Variants in MICAL3 observed in about 807,000 individuals in gnomAD.
MICAL3 encodes microtubule associated monooxygenase, calponin and LIM domain containing 3, also known as [F-actin]-monooxygenase MICAL3.
A neutral mutation model predicts 207.4 loss-of-function variants in MICAL3; 62 were observed. The ratio of observed to expected loss-of-function variants is 0.30; its 90% CI spans 0.24 to 0.37. The LOEUF (loss-of-function observed/expected upper bound fraction) is 0.37, where lower values mean the gene tolerates loss of function less well. MICAL3 is among the 10% of genes least tolerant of loss of function. The pLI is 1.00. For synonymous variants in MICAL3, 1,077 were observed against 1,069.3 expected, an observed-to-expected ratio of 1.01 and a Z score of -0.14; for missense variants, 2,368 against 2,635.6, an observed-to-expected ratio of 0.90 and a Z score of 2.22.
intron 1 of MICAL3, among the ~76,000 whole-genome samples, chr22:18,023,065 C>A (rs1374671302): frequency 6.6e-6 from 1 of 152,136 alleles, no homozygotes; most frequent in East Asian, 1.9e-4. Flanking sequence ...CAGTTGCATA[C>A]CCTGCCCTCC....
intron 19 of MICAL3, chr22:17,862,004 G>A (rs575929570): frequency 6.1e-6 from 6 of 985,290 alleles, no homozygotes; most frequent in Admixed American, 6.1e-5. Context: ...AGAGAGAAAT[G>A]CCACAATATA....
chr22:17,834,203 GCTCT>G lies in MICAL3; in HGVS notation c.2802-2100_2802-2097del, dbSNP rs549716217. 2.4e-4 allele frequency: 251 copies of G among 1,042,022 alleles called. 1 individual carries two copies. The African/African-American group carries it at 3.5e-3, about 14-fold the overall frequency. 64.5% of individuals were successfully genotyped at this position (1,042,022 alleles called of 1,614,324 possible). ...GTGTGACTGTGAGTTGATTATTTGT[GCTCT>G]CTGAGTTTGCTCAATGACACATTCA... On this transcript the variant is annotated intron_variant, in intron 20 of 31. Coordinates refer to ENST00000441493, the MANE Select transcript of MICAL3 (RefSeq NM_015241.3).
At chr22:17,865,102 T>TTTATTTATTTATTTA (rs962794642) in intron 18 of MICAL3, 116 bp from the exon 19 acceptor site, 1 of 661,756 alleles carries the variant, frequency 1.5e-6, no homozygotes, top group African/African-American at 2.0e-5. Flanking sequence ...TATTTATTTA[T>TTTATTTATTTATTTA]TTATTTATTT....
intron 29 of MICAL3, among the ~76,000 whole-genome samples, chr22:17,795,463 CG>C (rs2145953872): frequency 6.6e-6 from 1 of 152,274 alleles, no homozygotes; most frequent in East Asian, 1.9e-4. Flanking sequence ...GGCGCCTGCA[CG>C]GGTAATAATT....
chr22:17,889,867 C>T (rs936088189), intron 12 of MICAL3, among the ~76,000 whole-genome samples: 12 of 152,052 alleles, frequency 7.9e-5, no homozygotes, highest in African/African-American at 2.9e-4. Context: ...TTGTGTATGG[C>T]CCATCCACAT....
intron 1 of MICAL3, among the ~76,000 whole-genome samples, chr22:17,954,473 T>C (rs1169515148): frequency 2.6e-5 from 4 of 152,080 alleles, no homozygotes; most frequent in Non-Finnish European, 2.9e-5. Context: ...ACCTGGGGCA[T>C]GGGGAGGGTA....
At chr22:17,920,322 C>G (rs1300605230) in intron 1 of MICAL3, among the ~76,000 whole-genome samples, 1 of 152,188 alleles carries the variant, frequency 6.6e-6, no homozygotes, top group Non-Finnish European at 1.5e-5. Flanking sequence ...ACTGGTTCCT[C>G]CAGCCTGACG....
In MICAL3 at chr22:17,817,851, C is replaced by T. The variant is rs759531651; in HGVS notation, c.4810G>A (p.Val1604Met). Residue 1604 changes from valine to methionine, a missense_variant, in exon 26 of 32, where the codon GTG (valine) becomes ATG (methionine). Physicochemically the swap from Val to Met is conservative, Grantham distance 21. Around this residue, in one of 4 missense-constraint regions of MICAL3, gnomAD observed 1,770 missense variants for 1,863.2 expected, o/e 0.95. Transcript: ENST00000441493. ...GCGTCCCGCAGCGCCTGGCTCTTCA[C>T]GGACTTCTCCCTGGCTCGCATGCGC... ...EERMRAREKS[V>M]KSQALRDAMA... The T allele has an allele frequency of 3.4e-5, 55 of 1,612,042 alleles. No individual in the cohort carries two copies. The highest frequency in any genetic ancestry group is 2.5e-4 in the East Asian group (11 of 44,860).
intron 19 of MICAL3, among the ~76,000 whole-genome samples, chr22:17,850,965 C>T (rs146281827): frequency 4.6e-4 from 70 of 152,272 alleles, no homozygotes; most frequent in African/African-American, 1.6e-3. Context: ...ATCAACTGGC[C>T]AGGCCATCCT....
intron 19 of MICAL3, chr22:17,861,058 T>C: frequency 1.0e-6 from 1 of 985,288 alleles, no homozygotes; most frequent in Admixed American, 6.1e-5. Context: ...TGGGGTAAGG[T>C]GGGAGGTAAG....
intron 16 of MICAL3, chr22:17,876,865 G>GGGAGGTTAGGGAGGTTAT (rs1928532277): frequency 4.0e-5 from 4 of 99,784 alleles, no homozygotes; most frequent in Non-Finnish European, 4.0e-5. Flanking sequence ...ATGGAGGTTA[G>GGGAGGTTAGGGAGGTTAT]GGAGGTTAGG....
At chr22:17,941,859 C>T (rs921974527) in intron 1 of MICAL3, among the ~76,000 whole-genome samples, 1 of 152,166 alleles carries the variant, frequency 6.6e-6, no homozygotes, top group African/African-American at 2.4e-5. Context: ...CCCTCCCACC[C>T]CCATTCTAAA....
Position 17,819,698 on chromosome 22 carries a change from G to A in MICAL3, c.3532-569C>T, listed in dbSNP as rs190440769. On this transcript the variant is annotated intron_variant, in intron 25 of 31. Coordinates refer to ENST00000441493, the MANE Select transcript of MICAL3 (RefSeq NM_015241.3). ...CTCACACCTGTAATCCCAGCACTTTGGGAGGACGAAGTGGGCAGATCACGA... is the reference window on the plus strand; with the variant it reads ...CTCACACCTGTAATCCCAGCACTTTAGGAGGACGAAGTGGGCAGATCACGA... Among the ~76,000 whole-genome samples, 197 of 152,158 alleles carry A rather than the reference G, an allele frequency of 1.3e-3. 1 individual carries two copies. Among genetic ancestry groups the A allele is most frequent in the Admixed American group, 2.9e-3 (45 of 15,286 alleles).
intron 16 of MICAL3, among the ~76,000 whole-genome samples, chr22:17,879,174 T>C (rs1291138147): frequency 1.3e-5 from 2 of 152,194 alleles, no homozygotes; most frequent in African/African-American, 2.4e-5. Context: ...GCTATTTGCA[T>C]TGGTCAACAC....
Position 17,818,187 on chromosome 22 carries a change from CG to C in MICAL3, c.4473del (p.Ala1492ProfsTer113). On this transcript the variant is annotated frameshift_variant, in exon 26 of 32. Coordinates refer to ENST00000441493, the MANE Select transcript of MICAL3 (RefSeq NM_015241.3). LOFTEE classifies it high-confidence loss of function. ...PNASVVPPPL[P>X]ATWMRPPREP... is the part of the protein sequence containing the mutation. ...TCCCGGGGGGGCCGCATCCAGGTGGCGGGCAAGGGCGGCGGGACCACCGAGG... is the reference window on the plus strand; with the variant it reads ...TCCCGGGGGGGCCGCATCCAGGTGGCGGCAAGGGCGGCGGGACCACCGAGG... 6.4e-7 allele frequency: 1 copy of C among 1,551,470 alleles called. No individual in the cohort carries two copies. Among genetic ancestry groups the C allele is most frequent in the Non-Finnish European group, 8.7e-7 (1 of 1,153,334 alleles).
intron 5 of MICAL3, among the ~76,000 whole-genome samples, chr22:17,901,489 C>T (rs1378421365): frequency 1.3e-5 from 2 of 151,914 alleles, no homozygotes; most frequent in African/African-American, 2.4e-5. Flanking sequence ...TGCAACATGG[C>T]GAAAACCCAA....
intron 1 of MICAL3, among the ~76,000 whole-genome samples, chr22:17,972,006 C>A (rs1339193418): frequency 6.6e-6 from 1 of 152,228 alleles, no homozygotes; most frequent in Non-Finnish European, 1.5e-5. Flanking sequence ...CCAGGCAAGG[C>A]CTCTTAACGA....
rs778371212 is a variant in MICAL3, at chr22:17,887,345, A to T, written c.1982T>A (p.Ile661Asn). Residue 661 changes from isoleucine (I) to asparagine (N), a missense_variant, in exon 14 of 32, where the codon ATC (isoleucine) becomes AAC (asparagine). Transcript: ENST00000441493. ...TACCTTGGGAGAACGCTTCCGAGAG[A>T]TGGTCTGGCCAAGTTTGCTTAGGAA... is the stretch of plus-strand genomic sequence containing the variant. ...ISFLSKLGQT[I>N]SRKRSPKDKK... 1.2e-6 allele frequency: 2 copies of T among 1,613,830 alleles called. No homozygotes were observed. The highest frequency in any genetic ancestry group is 4.5e-5 in the East Asian group (2 of 44,892).
At chr22:17,797,866 C>T (rs1252839076) in intron 29 of MICAL3, among the ~76,000 whole-genome samples, 13 of 152,362 alleles carry the variant, frequency 8.5e-5, no homozygotes, top group South Asian at 4.1e-4. Context: ...GTCGGCGGGC[C>T]GTCCTCCAGG....
Sources: allele counts gnomAD v4.1 joint callset (sites outside exome capture counted in the v4.1 genomes callset), GRCh38; gene constraint gnomAD v4.1.1; regional missense constraint gnomAD v4.1.1; transcripts MANE v1.5; gene names NCBI Gene and HGNC (gene_info 2026-07-23, HGNC 2026-07-21).